Variants in ZNF568 observed in about 807,000 individuals in gnomAD.
The protein encoded by ZNF568 is p53 inhibitor of SCO2 activation.
In ZNF568, 11 loss-of-function variants were observed where a neutral mutation model predicts 18.1. That is an observed-to-expected ratio of 0.61 (90% CI 0.38 to 1.00). ZNF568 has a LOEUF of 1.00. Ranked by LOEUF, ZNF568 falls within the 50% of genes least tolerant of loss-of-function variation. The pLI is 0.01. For missense variants in ZNF568, 639 were observed against 768.2 expected (o/e 0.83, Z 1.99); for synonymous variants, 213 against 246.6 (o/e 0.86, Z 1.28).
chr19:36,919,337 G>C (rs542558442), intron 2 of ZNF568, among the ~76,000 whole-genome samples: 16 of 152,246 alleles, frequency 1.1e-4, no homozygotes, highest in Admixed American at 3.3e-4. Flanking sequence ...TGCCATATAT[G>C]TATGGACTAT....
intron 6 of ZNF568, among the ~76,000 whole-genome samples, chr19:36,947,526 T>G (rs1473600104): frequency 6.6e-6 from 1 of 152,206 alleles, no homozygotes; most frequent in Non-Finnish European, 1.5e-5. Context: ...TTTAACTGCC[T>G]CAGCCTTTAC....
At chr19:36,981,014 A>G (rs1310435937), downstream of ZNF568, among the ~76,000 whole-genome samples, 2 of 152,202 alleles carry the variant, frequency 1.3e-5, no homozygotes, top group Non-Finnish European at 2.9e-5. Flanking sequence ...AGGAAATTCA[A>G]AATGTTTAGA....
chr19:36,947,747 A>G (rs183104469), intron 6 of ZNF568, among the ~76,000 whole-genome samples: 2 of 152,256 alleles, frequency 1.3e-5, no homozygotes, highest in Non-Finnish European at 1.5e-5. Flanking sequence ...AACCCTTCCA[A>G]GTAGCTGGGA....
rs370346436 is a variant in ZNF568, at chr19:36,949,872, A to G, written c.719A>G (p.His240Arg). The G allele has an allele frequency of 3.7e-6, 6 of 1,613,910 alleles. No homozygotes were observed. Among genetic ancestry groups the G allele is most frequent in the Non-Finnish European group, 5.1e-6 (6 of 1,179,942 alleles). Residue 240 changes from histidine to arginine, a missense_variant, in exon 7 of 7, where the codon CAT (histidine) becomes CGT (arginine). By Grantham distance (29) the His-to-Arg change is conservative. Transcript: ENST00000333987. ...DFSHKFDLIRHERIHAGEKPY... is the reference protein window; with the variant it reads ...DFSHKFDLIRRERIHAGEKPY... ...AGTCATAAATTTGACCTCATTAGAC[A>G]TGAGCGAATTCATGCTGGAGAGAAA... is the stretch of plus-strand genomic sequence containing the variant.
chr19:36,978,867 G>C (rs2074306640), intron 7 of ZNF568: 2 of 231,350 alleles, frequency 8.6e-6, no homozygotes, highest in Admixed American at 5.7e-5. Context: ...CTTTCTCTGG[G>C]TTCTACTGAA....
At position 36,949,813 on chromosome 19, in the gene ZNF568, C is replaced by T. The variant is rs375279273; in HGVS notation, c.660C>T (p.Thr220=). 48 of 1,613,744 alleles carry T rather than the reference C, an allele frequency of 3.0e-5. No homozygotes were observed. In the African/African-American group the frequency reaches 5.6e-4, roughly 19 times the overall value. ...ACCATTGTGCATCCTATGTTGTAAC[C>T]CCCTTTAAGTGTAATCAGTGTGGAC... ...PFYHCASYVV[T]PFKCNQCGQD... The change falls in exon 7 of 7, where the codon ACC becomes ACT. Residue 220 remains threonine (T), a synonymous_variant. Transcript: ENST00000333987.
At position 36,950,412 on chromosome 19, in the gene ZNF568, G is replaced by A. The variant is rs761392200; in HGVS notation, c.1259G>A (p.Cys420Tyr). The change falls in exon 7 of 7, where the codon TGT becomes TAT. Residue 420 changes from cysteine to tyrosine, a missense_variant. Cys to Tyr is a radical substitution (Grantham distance 194, BLOSUM62 -2). Transcript: ENST00000333987. ...CACACTGGTGAGAAACCCTATGTATGTAGTGAATGTGGGAAAGCCTTCTCT... is the reference window on the plus strand; with the variant it reads ...CACACTGGTGAGAAACCCTATGTATATAGTGAATGTGGGAAAGCCTTCTCT... Reference protein sequence around the residue: ...RSHTGEKPYVCSECGKAFSQS... With the variant: ...RSHTGEKPYVYSECGKAFSQS... 6.2e-7 allele frequency: 1 copy of A among 1,614,074 alleles called. No homozygotes were observed. Among genetic ancestry groups the A allele is most frequent in the Non-Finnish European group, 8.5e-7 (1 of 1,179,988 alleles).
chr19:36,930,015 T>C (rs1188956450), intron 4 of ZNF568, among the ~76,000 whole-genome samples: 1 of 151,742 alleles, frequency 6.6e-6, no homozygotes, highest in African/African-American at 2.4e-5. Context: ...TGTGAATTTA[T>C]GTTTTTTAAG....
intron 6 of ZNF568, among the ~76,000 whole-genome samples, chr19:36,949,188 C>T (rs1345500706): frequency 2.0e-5 from 3 of 152,156 alleles, no homozygotes; most frequent in Non-Finnish European, 4.4e-5. Flanking sequence ...AGCCGTTTGA[C>T]TCCCTATCAG....
chr19:36,932,414 C>A (rs972824607), intron 4 of ZNF568, among the ~76,000 whole-genome samples: 1 of 152,084 alleles, frequency 6.6e-6, no homozygotes, highest in Non-Finnish European at 1.5e-5. Flanking sequence ...ATGGTGAAAC[C>A]CTGTCTGTAC....
At chr19:36,937,596 T>C (rs2073812695) in intron 6 of ZNF568, among the ~76,000 whole-genome samples, 1 of 152,208 alleles carries the variant, frequency 6.6e-6, no homozygotes, top group Non-Finnish European at 1.5e-5. Context: ...GCATTCAGTA[T>C]TTCATGGTTG....
rs1472672548 is a variant in ZNF568 at position 36,959,486 on chromosome 19, CCTT to C, written c.359-14931_359-14929del. Among the ~76,000 whole-genome samples, 4 of 150,594 alleles carry C rather than the reference CCTT, an allele frequency of 2.7e-5. No individual in the cohort carries two copies. The South Asian group carries it at 8.3e-4, about 31-fold the overall frequency. ...CTTTAGTTTTCTTTTTATGTTGTGT[CCTT>C]CTCTGGTTTTGGTAATAGGATGATC... On this transcript the variant is annotated intron_variant, in intron 6 of 7. Transcript: ENST00000427117.
chr19:36,989,286 G>A (rs1006784594), intron 2 of ZNF568, among the ~76,000 whole-genome samples: 5 of 152,238 alleles, frequency 3.3e-5, no homozygotes, highest in East Asian at 1.9e-4. Context: ...AGGTTCAAGC[G>A]ATCCTCCTGC....
chr19:36,962,550 A>G (rs2074163512), intron 6 of ZNF568, among the ~76,000 whole-genome samples: 1 of 151,866 alleles, frequency 6.6e-6, no homozygotes, highest in South Asian at 2.1e-4. Context: ...CATGTTGGCC[A>G]GGCTATTCTC....
At chr19:36,990,251 A>G (rs1667353) in intron 2 of ZNF568, among the ~76,000 whole-genome samples, 81,101 of 151,994 alleles carry the variant, frequency 0.53, 22,161 homozygotes, top group African/African-American at 0.62. Flanking sequence ...CAGTTCTGGT[A>G]GCTAAGGAAC....
At chr19:36,982,885 C>T (rs1239117006), downstream of ZNF568, among the ~76,000 whole-genome samples, 1 of 152,098 alleles carries the variant, frequency 6.6e-6, no homozygotes, top group Admixed American at 6.5e-5. Flanking sequence ...TAATAACTTG[C>T]TTAGAATTTT....
Position 36,949,513 on chromosome 19 carries a change from A to C in ZNF568, c.360A>C (p.Glu120Asp), listed in dbSNP as rs746827980. The change falls in exon 7 of 7, where the codon GAA (glutamate) becomes GAC (aspartate). Residue 120 changes from glutamate to aspartate, a missense_variant and splice_region_variant. Physicochemically the swap from Glu to Asp is conservative, Grantham distance 45 (BLOSUM62 2). Coordinates refer to ENST00000333987, the MANE Select transcript of ZNF568 (RefSeq NM_198539.4). ...ATAATTTCTGGTCCTCCATTTTAGA[A>C]GTTTGGGAAGTTGATGAACAGATCA... ...EEEMFGRHCP[E>D]VWEVDEQIKK... is the part of the protein sequence containing the mutation. 5 of 1,556,328 alleles carry C rather than the reference A, an allele frequency of 3.2e-6. No homozygotes were observed. The South Asian group carries it at 3.8e-5, about 12-fold the overall frequency.
At chr19:36,917,946 G>GTT (rs1568376265) in intron 2 of ZNF568, among the ~76,000 whole-genome samples, 1 of 151,914 alleles carries the variant, frequency 6.6e-6, no homozygotes, top group African/African-American at 2.4e-5. Flanking sequence ...TGTTGTTGTT[G>GTT]TTGTTTTGTT....
intron 2 of ZNF568, among the ~76,000 whole-genome samples, chr19:36,988,612 C>G (rs367736744): frequency 1.4e-4 from 22 of 152,108 alleles, no homozygotes; most frequent in African/African-American, 4.6e-4. Context: ...AAGTATTCAC[C>G]CCTGTGTTCC....
Sources: allele counts gnomAD v4.1 joint callset (sites outside exome capture counted in the v4.1 genomes callset), GRCh38; gene constraint gnomAD v4.1.1; transcripts MANE v1.5; gene names NCBI Gene and HGNC (gene_info 2026-07-23, HGNC 2026-07-21).